CCDC192: variants seen among roughly 807,000 people sequenced by gnomAD.
CCDC192 encodes the protein coiled-coil domain-containing protein 192.
intron 3 of CCDC192, among the ~76,000 whole-genome samples, chr5:127,777,846 A>G (rs1444635340): frequency 6.6e-6 from 1 of 151,572 alleles, no homozygotes; most frequent in Admixed American, 6.6e-5. Context: ...ATCTTCTGCC[A>G]TGATTATGAG....
chr5:127,815,808 C>T (rs1160554820), intron 5 of CCDC192, among the ~76,000 whole-genome samples: 1 of 151,516 alleles, frequency 6.6e-6, no homozygotes, highest in Non-Finnish European at 1.5e-5. Context: ...GCGGAGCTTG[C>T]AGTGAGAGTA....
intron 6 of CCDC192, among the ~76,000 whole-genome samples, chr5:127,898,258 A>C (rs1055276200): frequency 1.2e-4 from 18 of 151,972 alleles, no homozygotes; most frequent in African/African-American, 4.4e-4. Flanking sequence ...ATAGGCACCC[A>C]CCAACACGCA....
intron 5 of CCDC192, among the ~76,000 whole-genome samples, chr5:127,829,799 A>T (rs577901285): frequency 6.6e-6 from 1 of 152,288 alleles, no homozygotes; most frequent in Non-Finnish European, 1.5e-5. Context: ...AGGACGTGGC[A>T]GTATCTTTCC....
At chr5:127,745,895 T>A (rs1666976924) in intron 2 of CCDC192, among the ~76,000 whole-genome samples, 1 of 152,252 alleles carries the variant, frequency 6.6e-6, no homozygotes, top group Non-Finnish European at 1.5e-5. Flanking sequence ...CCATTGCACC[T>A]TGCAAAACTG....
At chr5:127,902,991 A>G (rs1455435258) in intron 6 of CCDC192, among the ~76,000 whole-genome samples, 5 of 152,284 alleles carry the variant, frequency 3.3e-5, no homozygotes, top group African/African-American at 9.6e-5. Flanking sequence ...AGGCTTTTTT[A>G]TTAAAAATCT....
intron 5 of CCDC192, among the ~76,000 whole-genome samples, chr5:127,820,961 C>T (rs184795688): frequency 6.6e-6 from 1 of 152,256 alleles, no homozygotes; most frequent in East Asian, 1.9e-4. Flanking sequence ...GCTCTCTGGT[C>T]TCCATCTAGC....
intron 6 of CCDC192, among the ~76,000 whole-genome samples, chr5:127,913,423 C>A (rs1580820845): frequency 6.6e-6 from 1 of 152,138 alleles, no homozygotes. Context: ...CATCTTGAGG[C>A]CTCACTGACC....
At position 127,723,160 on chromosome 5, in the gene CCDC192, C is replaced by T. The variant is rs534452967; in HGVS notation, c.114+15400C>T. ...CTAATGTTTTATAGTTTTCATTGTA[C>T]AAATCTTTCATTTATTTGGCTAAGT... is the stretch of plus-strand genomic sequence containing the variant. On this transcript the variant is annotated intron_variant, in intron 2 of 6. Transcript: ENST00000514853. Among the ~76,000 whole-genome samples, 21 of 152,130 alleles carry T rather than the reference C, an allele frequency of 1.4e-4. No homozygotes were observed. The South Asian group carries it at 2.3e-3, about 17-fold the overall frequency.
chr5:127,889,049 A>G (rs1752655021), intron 6 of CCDC192, among the ~76,000 whole-genome samples: 1 of 152,238 alleles, frequency 6.6e-6, no homozygotes, highest in Non-Finnish European at 1.5e-5. Context: ...ATAATGGCAA[A>G]CAAAATAAAG....
At chr5:127,870,157 G>A (rs1035555067) in intron 5 of CCDC192, among the ~76,000 whole-genome samples, 1 of 152,160 alleles carries the variant, frequency 6.6e-6, no homozygotes, top group African/African-American at 2.4e-5. Flanking sequence ...CAACAGAATG[G>A]TCACAATAAC....
intron 5 of CCDC192, among the ~76,000 whole-genome samples, chr5:127,855,697 T>C (rs1347381556): frequency 2.0e-5 from 3 of 152,208 alleles, no homozygotes; most frequent in Non-Finnish European, 2.9e-5. Context: ...CAAAATTATT[T>C]CTTGATCCAT....
intron 5 of CCDC192, among the ~76,000 whole-genome samples, chr5:127,833,854 C>G (rs1182746421): frequency 2.0e-5 from 3 of 152,048 alleles, no homozygotes; most frequent in Non-Finnish European, 4.4e-5. Context: ...TTGAAAATTT[C>G]TCTTCTATCA....
chr5:127,867,625 C>A (rs368280277), intron 5 of CCDC192, among the ~76,000 whole-genome samples: 1 of 152,144 alleles, frequency 6.6e-6, no homozygotes, highest in Non-Finnish European at 1.5e-5. Flanking sequence ...CCAGGCACTG[C>A]GAGGTGTGAC....
intron 3 of CCDC192, among the ~76,000 whole-genome samples, chr5:127,761,048 T>A (rs1468288548): frequency 6.6e-6 from 1 of 152,246 alleles, no homozygotes; most frequent in Non-Finnish European, 1.5e-5. Flanking sequence ...CTTGTATCTA[T>A]TCTGACTGGC....
intron 5 of CCDC192, among the ~76,000 whole-genome samples, chr5:127,846,762 G>T (rs984589817): frequency 7.0e-6 from 1 of 142,134 alleles, no homozygotes; most frequent in Admixed American, 7.7e-5. Context: ...GAGCCACCGC[G>T]CTTGGCCATA....
intron 5 of CCDC192, among the ~76,000 whole-genome samples, chr5:127,805,018 T>G (rs1260809919): frequency 6.6e-6 from 1 of 152,138 alleles, no homozygotes; most frequent in Admixed American, 6.6e-5. Flanking sequence ...CATGGAGACA[T>G]GCAGTAGCAC....
chr5:127,937,805 C>T (rs1754227670), intron 6 of CCDC192, among the ~76,000 whole-genome samples: 1 of 152,228 alleles, frequency 6.6e-6, no homozygotes, highest in Non-Finnish European at 1.5e-5. Context: ...GTGAACTCTA[C>T]CTATACTGCA....
chr5:127,860,803 C>T (rs1045908969), intron 5 of CCDC192, among the ~76,000 whole-genome samples: 6 of 152,150 alleles, frequency 3.9e-5, no homozygotes, highest in Non-Finnish European at 8.8e-5. Context: ...TCTTTTCATA[C>T]GTTAGAATAA....
chr5:127,846,843 A>T (rs1048863399), intron 5 of CCDC192, among the ~76,000 whole-genome samples: 6 of 143,590 alleles, frequency 4.2e-5, no homozygotes, highest in Admixed American at 4.2e-4. Context: ...AAAAAAAAAA[A>T]AACAGGGAAA....
Sources: gnomAD v4.1 joint callset for allele counts (sites outside exome capture counted in the v4.1 genomes callset) on GRCh38, gnomAD v4.1.1 for gene constraint, MANE v1.5 for transcripts, NCBI Gene and HGNC (gene_info 2026-07-23, HGNC 2026-07-21) for gene names.